ATRNL1: variants seen among roughly 807,000 people sequenced by gnomAD.
ATRNL1 encodes the protein attractin-like protein 1.
In ATRNL1, 95 loss-of-function variants were observed where a neutral mutation model predicts 182.7. The observed-to-expected ratio is 0.52, with a 90% CI of 0.44 to 0.62. ATRNL1 has a LOEUF of 0.62. Ranked by LOEUF, ATRNL1 falls within the 20% of genes least tolerant of loss-of-function variation. ATRNL1 has a pLI of 0.00. For synonymous variants in ATRNL1, 576 were observed against 568.3 expected (o/e 1.01, Z -0.19); for missense variants, 1,471 against 1,679.5 (o/e 0.88, Z 2.17).
intron 16 of ATRNL1, 49 bp from the exon 17 acceptor site, chr10:115,301,806 T>A: frequency 6.8e-7 from 1 of 1,469,176 alleles, no homozygotes; most frequent in South Asian, 1.5e-5. Context: ...TACAATTGTG[T>A]TAACATGAAG....
chr10:115,425,269 C>T (rs1221998005), intron 20 of ATRNL1, among the ~76,000 whole-genome samples: 1 of 151,520 alleles, frequency 6.6e-6, no homozygotes, highest in African/African-American at 2.4e-5. Context: ...GACTCTTTTA[C>T]CTCTTTAAAC....
chr10:115,266,185 G>C (rs1554910628), intron 11 of ATRNL1, among the ~76,000 whole-genome samples: 1 of 151,472 alleles, frequency 6.6e-6, no homozygotes, highest in Admixed American at 6.6e-5. Flanking sequence ...GCTGTTTTAA[G>C]GGCATTGGCA....
chr10:115,189,612 A>T (rs1848090627), intron 8 of ATRNL1, among the ~76,000 whole-genome samples: 1 of 152,250 alleles, frequency 6.6e-6, no homozygotes, highest in South Asian at 2.1e-4. Context: ...GGATTTAAGG[A>T]AAAAATTTTT....
intron 21 of ATRNL1, among the ~76,000 whole-genome samples, chr10:115,459,789 G>T (rs1189377915): frequency 2.0e-5 from 3 of 152,008 alleles, no homozygotes; most frequent in African/African-American, 7.2e-5. Flanking sequence ...ATAAAAACTT[G>T]CTGGTTTTTG....
At chr10:115,501,274 G>A (rs1849822317) in intron 24 of ATRNL1, among the ~76,000 whole-genome samples, 3 of 152,146 alleles carry the variant, frequency 2.0e-5, no homozygotes, top group Non-Finnish European at 2.9e-5. Context: ...CCATGGATTT[G>A]TACCATTAAA....
intron 27 of ATRNL1, among the ~76,000 whole-genome samples, chr10:115,844,563 A>C (rs1462605532): frequency 1.3e-5 from 2 of 152,026 alleles, no homozygotes; most frequent in Non-Finnish European, 2.9e-5. Flanking sequence ...TTTAATATAG[A>C]ATTTTTGCCC....
intron 26 of ATRNL1, among the ~76,000 whole-genome samples, chr10:115,659,234 A>C (rs1262656114): frequency 6.6e-6 from 1 of 152,028 alleles, no homozygotes; most frequent in African/African-American, 2.4e-5. Flanking sequence ...AACCCAATAT[A>C]GTTTCCCTGC....
chr10:115,781,474 A>G (rs11819655), intron 27 of ATRNL1, among the ~76,000 whole-genome samples: 7,491 of 152,306 alleles, frequency 0.049, 625 homozygotes, highest in African/African-American at 0.17. Flanking sequence ...TAGTATAGTC[A>G]CATAATGGAA....
chr10:115,757,933 T>A (rs782624868), intron 27 of ATRNL1, among the ~76,000 whole-genome samples: 11 of 151,742 alleles, frequency 7.2e-5, no homozygotes, highest in Non-Finnish European at 1.5e-4. Context: ...CTGATATCCT[T>A]TCTTCTGCTT....
At chr10:115,819,106 C>A (rs186800557) in intron 27 of ATRNL1, among the ~76,000 whole-genome samples, 1 of 152,130 alleles carries the variant, frequency 6.6e-6, no homozygotes, top group African/African-American at 2.4e-5. Context: ...TCTTTTTACC[C>A]CACCTGTTCT....
intron 1 of ATRNL1, among the ~76,000 whole-genome samples, chr10:115,095,293 A>G (rs1050603616): frequency 7.2e-5 from 11 of 152,178 alleles, no homozygotes; most frequent in Admixed American, 1.3e-4. Context: ...AGGCAAAGGT[A>G]AGACTGGTTC....
At chr10:115,605,014 T>A (rs1331877221) in intron 26 of ATRNL1, among the ~76,000 whole-genome samples, 1 of 152,224 alleles carries the variant, frequency 6.6e-6, no homozygotes, top group Admixed American at 6.5e-5. Context: ...CATTTTGTAT[T>A]ATTTAAAATA....
At chr10:115,858,638 G>A (rs1951240806) in intron 28 of ATRNL1, among the ~76,000 whole-genome samples, 1 of 152,068 alleles carries the variant, frequency 6.6e-6, no homozygotes, top group South Asian at 2.1e-4. Context: ...AAACCACCAT[G>A]GCACACGTTT....
intron 20 of ATRNL1, among the ~76,000 whole-genome samples, chr10:115,425,601 A>G (rs1554962702): frequency 6.6e-6 from 1 of 152,040 alleles, no homozygotes; most frequent in Non-Finnish European, 1.5e-5. Flanking sequence ...ATAAGAGTAC[A>G]TGAGTATGGA....
At chr10:115,936,497 G>T (rs1246627652) in intron 28 of ATRNL1, among the ~76,000 whole-genome samples, 1 of 152,134 alleles carries the variant, frequency 6.6e-6, no homozygotes, top group African/African-American at 2.4e-5. Flanking sequence ...CAAGGCTTTG[G>T]AGTTTTCTGA....
chr10:115,655,570 G>A (rs1050218104), intron 26 of ATRNL1, among the ~76,000 whole-genome samples: 1 of 152,120 alleles, frequency 6.6e-6, no homozygotes, highest in Non-Finnish European at 1.5e-5. Context: ...TGATATGCAT[G>A]TTGATTTTTT....
intron 18 of ATRNL1, among the ~76,000 whole-genome samples, chr10:115,317,165 A>G (rs1358156015): frequency 6.6e-6 from 1 of 152,140 alleles, no homozygotes; most frequent in Non-Finnish European, 1.5e-5. Flanking sequence ...CCATTTATTG[A>G]ATAGGAGATC....
At chr10:115,467,122 T>A in intron 22 of ATRNL1, 52 bp from the exon 23 acceptor site, 3 of 956,698 alleles carry the variant, frequency 3.1e-6, no homozygotes, top group Admixed American at 3.6e-5. Flanking sequence ...CTAAATCATA[T>A]ATATCTAGTG....
At chr10:115,605,596 C>T (rs1035037508) in intron 26 of ATRNL1, among the ~76,000 whole-genome samples, 7 of 151,988 alleles carry the variant, frequency 4.6e-5, no homozygotes, top group African/African-American at 1.2e-4. Context: ...TTTCAATTTA[C>T]AGCAGGTTTA....
Sources: allele counts gnomAD v4.1 joint callset (sites outside exome capture counted in the v4.1 genomes callset), GRCh38; gene constraint gnomAD v4.1.1; transcripts MANE v1.5; gene names NCBI Gene and HGNC (gene_info 2026-07-23, HGNC 2026-07-21).